The following GALNT13 variants were observed in gnomAD, a reference collection of about 807,000 sequenced individuals.
GALNT13 encodes the protein UDP-GalNAc:polypeptide N-acetylgalactosaminyltransferase 13.
Under a neutral mutation model 64.2 loss-of-function variants are expected in GALNT13, and 28 were observed. The ratio of observed to expected loss-of-function variants is 0.44; its 90% CI spans 0.32 to 0.60. The LOEUF is 0.60. GALNT13 is among the 20% of genes least tolerant of loss of function. The pLI is 0.05. For synonymous variants in GALNT13, 214 were observed against 224.6 expected (o/e 0.95, Z 0.42); for missense variants, 577 against 669.8 (o/e 0.86, Z 1.53).
At chr2:153,224,399 T>G in the GALNT13 span, among the ~76,000 whole-genome samples, 1 of 152,266 alleles carries the variant, frequency 6.6e-6, no homozygotes, top group East Asian at 1.9e-4. Context: ...ACTGAGTGGA[T>G]GACAAGATCA....
the GALNT13 span, among the ~76,000 whole-genome samples, chr2:153,551,666 A>G: frequency 2.8e-4 from 42 of 152,332 alleles, no homozygotes; most frequent in African/African-American, 9.6e-4. Flanking sequence ...GGGGCTGAGC[A>G]ACTAAAAATG....
the GALNT13 span, among the ~76,000 whole-genome samples, chr2:153,394,518 T>C: frequency 6.6e-6 from 1 of 152,088 alleles, no homozygotes; most frequent in African/African-American, 2.4e-5. Context: ...TGCTAATTCA[T>C]CCTCACTTCC....
chr2:154,242,727 G>A lies in GALNT13; in HGVS notation c.508G>A (p.Val170Met), dbSNP rs776718504. 106 of 1,612,596 alleles carry A rather than the reference G, an allele frequency of 6.6e-5. No individual in the cohort carries two copies. The highest frequency in any genetic ancestry group is 7.9e-5 in the Non-Finnish European group (93 of 1,178,774). ...DFLKLTLENY[V>M]KNLEVPVKII... is the part of the protein sequence containing the mutation. ...TCTCAAGTTGACATTAGAGAATTAC[G>A]TGAAAAATTTAGAAGTGCCAGTAAA... Residue 170 changes from valine (V) to methionine (M), a missense_variant, in exon 6 of 13, where the codon GTG becomes ATG. Transcript: ENST00000392825.
At chr2:154,362,884 C>T (rs1697155896) in intron 9 of GALNT13, among the ~76,000 whole-genome samples, 1 of 152,110 alleles carries the variant, frequency 6.6e-6, no homozygotes, top group Non-Finnish European at 1.5e-5. Flanking sequence ...CTTTCAAACC[C>T]TTTAAAGTAT....
the GALNT13 span, among the ~76,000 whole-genome samples, chr2:153,798,081 G>T: frequency 6.6e-6 from 1 of 152,110 alleles, no homozygotes; most frequent in Non-Finnish European, 1.5e-5. Context: ...ATATTTGTGT[G>T]CATGCTGAAA....
chr2:153,914,500 A>AAG (rs71906437), intron 2 of GALNT13, among the ~76,000 whole-genome samples: 50 of 151,574 alleles, frequency 3.3e-4, no homozygotes, highest in Non-Finnish European at 6.5e-4. Flanking sequence ...AAAAAAAAAA[A>AAG]AGATGTTTGC....
the GALNT13 span, among the ~76,000 whole-genome samples, chr2:153,226,320 T>A: frequency 6.6e-6 from 1 of 152,124 alleles, no homozygotes; most frequent in African/African-American, 2.4e-5. Flanking sequence ...GAATATTGAA[T>A]AATAACAGAT....
intron 4 of GALNT13, among the ~76,000 whole-genome samples, chr2:154,168,949 G>A (rs1183161493): frequency 6.6e-6 from 1 of 152,144 alleles, no homozygotes; most frequent in Non-Finnish European, 1.5e-5. Context: ...TCTGGAGAGG[G>A]CCTCAGGCTG....
the GALNT13 span, among the ~76,000 whole-genome samples, chr2:153,264,618 T>C: frequency 6.6e-6 from 1 of 152,102 alleles, no homozygotes; most frequent in Non-Finnish European, 1.5e-5. Flanking sequence ...TAAAAAGAAA[T>C]GACATTAGGT....
At chr2:154,438,785 A>G (rs918967114) in intron 12 of GALNT13, 59 bp downstream of exon 12, 84 of 1,328,276 alleles carry the variant, frequency 6.3e-5, no homozygotes, top group Non-Finnish European at 8.5e-5. Flanking sequence ...ATATATTTCA[A>G]CATTCAACAT....
At chr2:153,609,308 A>G in the GALNT13 span, among the ~76,000 whole-genome samples, 1,486 of 152,164 alleles carry the variant, frequency 9.8e-3, 22 homozygotes, top group Middle Eastern at 0.024. Context: ...TTTCTGACAA[A>G]GGACGTTTGT....
chr2:153,206,771 G>A, the GALNT13 span, among the ~76,000 whole-genome samples: 1 of 151,996 alleles, frequency 6.6e-6, no homozygotes, highest in Non-Finnish European at 1.5e-5. Context: ...GCTAAAATAA[G>A]CTCAAGAAAT....
chr2:154,112,928 A>G (rs1574523772), intron 3 of GALNT13, among the ~76,000 whole-genome samples: 1 of 152,100 alleles, frequency 6.6e-6, no homozygotes, highest in Admixed American at 6.5e-5. Context: ...TCCTCATGTA[A>G]CTTCCTTGTG....
chr2:153,752,978 C>T, the GALNT13 span, among the ~76,000 whole-genome samples: 1 of 152,056 alleles, frequency 6.6e-6, no homozygotes, highest in Admixed American at 6.6e-5. Context: ...TTCAAATAAC[C>T]TGTCTTCAAG....
rs1695841452 is a variant in GALNT13, at chr2:154,000,594, T to G, written c.142+55955T>G. 3.3e-5 allele frequency among the ~76,000 whole-genome samples: 5 copies of G among 152,156 alleles called. 1 individual carries two copies. The South Asian group carries it at 1.0e-3, about 31-fold the overall frequency. Reference sequence around the variant, plus strand: ...TTGTCAAATGTCTACGTATTAGAGTTTCTAACATTCCTTTTGTCATTTATT... The same window carrying G: ...TTGTCAAATGTCTACGTATTAGAGTGTCTAACATTCCTTTTGTCATTTATT... On this transcript the variant is annotated intron_variant, in intron 3 of 12. Transcript: ENST00000392825.
At chr2:154,370,250 ACTAGT>A (rs1697607327) in intron 9 of GALNT13, among the ~76,000 whole-genome samples, 2 of 152,150 alleles carry the variant, frequency 1.3e-5, no homozygotes, top group Non-Finnish European at 2.9e-5. Flanking sequence ...GGTCTTCTAG[ACTAGT>A]CTAAGGGGTT....
chr2:153,439,519 C>T, the GALNT13 span, among the ~76,000 whole-genome samples: 2 of 152,212 alleles, frequency 1.3e-5, no homozygotes, highest in Non-Finnish European at 2.9e-5. Flanking sequence ...TGGGCAATAG[C>T]AGGTGCCCCT....
At chr2:153,096,635 A>G in the GALNT13 span, among the ~76,000 whole-genome samples, 1 of 151,848 alleles carries the variant, frequency 6.6e-6, no homozygotes, top group African/African-American at 2.4e-5. Flanking sequence ...GTCTCTTTTT[A>G]TGGTTTTGGC....
chr2:154,430,302 TCAA>T (rs1700653922), intron 11 of GALNT13, among the ~76,000 whole-genome samples: 1 of 152,142 alleles, frequency 6.6e-6, no homozygotes. Context: ...GGTCAAAATA[TCAA>T]CAATATCAGG....
Sources: allele counts gnomAD v4.1 joint callset (sites outside exome capture counted in the v4.1 genomes callset), GRCh38; gene constraint gnomAD v4.1.1; transcripts MANE v1.5; gene names NCBI Gene and HGNC (gene_info 2026-07-23, HGNC 2026-07-21).